Variants in PDE1A observed in about 807,000 individuals in gnomAD.
The protein encoded by PDE1A is dual specificity calcium/calmodulin-dependent 3',5'-cyclic nucleotide phosphodiesterase 1A.
A neutral mutation model predicts 61.7 loss-of-function variants in PDE1A; 35 were observed. The observed-to-expected ratio is 0.57, with a 90% CI of 0.43 to 0.75. PDE1A has a LOEUF of 0.75. Ranked by LOEUF, PDE1A falls within the 30% of genes least tolerant of loss-of-function variation. The pLI is 0.00. For missense variants in PDE1A, 597 were observed against 630.6 expected, an observed-to-expected ratio of 0.95 and a Z score of 0.57; for synonymous variants, 232 against 213.2, an observed-to-expected ratio of 1.09 and a Z score of -0.77.
At chr2:182,599,103 A>C in the PDE1A span, among the ~76,000 whole-genome samples, 1 of 152,118 alleles carries the variant, frequency 6.6e-6, no homozygotes, top group Non-Finnish European at 1.5e-5. Context: ...CAACTACCCA[A>C]ACCATGGCTG....
At chr2:182,386,613 C>T (rs376990193) in intron 1 of PDE1A, among the ~76,000 whole-genome samples, 9 of 150,316 alleles carry the variant, frequency 6.0e-5, no homozygotes, top group East Asian at 2.0e-4. Flanking sequence ...GCCCAGCAGC[C>T]GCCCCATCTG....
chr2:182,478,027 G>A (rs965046372), intron 2 of PDE1A, among the ~76,000 whole-genome samples: 15 of 151,888 alleles, frequency 9.9e-5, no homozygotes, highest in African/African-American at 3.6e-4. Context: ...TGTCAACATG[G>A]AGTAGAGCTG....
chr2:182,358,528 G>T (rs1699324479), intron 1 of PDE1A, among the ~76,000 whole-genome samples: 1 of 151,802 alleles, frequency 6.6e-6, no homozygotes, highest in African/African-American at 2.4e-5. Context: ...TTCTCCATTG[G>T]TATCATCTCT....
At chr2:182,571,786 C>A in the PDE1A span, among the ~76,000 whole-genome samples, 692 of 152,176 alleles carry the variant, frequency 4.5e-3, 4 homozygotes, top group African/African-American at 0.015. Flanking sequence ...GGTGTAGTAG[C>A]AACTTTTCAA....
At chr2:182,270,239 T>C (rs1480126304) in intron 1 of PDE1A, among the ~76,000 whole-genome samples, 1 of 152,180 alleles carries the variant, frequency 6.6e-6, no homozygotes, top group Non-Finnish European at 1.5e-5. Context: ...AATCAAGCAA[T>C]TGCAGAAGAC....
At chr2:182,540,692 T>C in the PDE1A span, among the ~76,000 whole-genome samples, 1 of 152,272 alleles carries the variant, frequency 6.6e-6, no homozygotes, top group East Asian at 1.9e-4. Flanking sequence ...ACTTACACAG[T>C]TTTACCTTTC....
At chr2:182,522,885 T>C (rs2303890), upstream of PDE1A, 52,146 of 154,490 alleles carry the variant, frequency 0.34, 9,361 homozygotes, top group South Asian at 0.41. Flanking sequence ...AGCACCACCA[T>C]GAGAAAAAAA....
At chr2:182,201,457 C>A in exon 10 of PDE1A, 1 of 1,613,892 alleles carries the variant, frequency 6.2e-7, no homozygotes, top group Non-Finnish European at 8.5e-7. Context: ...AAAACTCCTC[C>A]ATTAGGGCCA....
At chr2:182,201,780 C>T in exon 9 of PDE1A, 1 of 1,602,282 alleles carries the variant, frequency 6.2e-7, no homozygotes, top group Non-Finnish European at 8.5e-7. Context: ...TCACTAGGTT[C>T]CGAAGATCCC....
At chr2:182,313,387 C>T (rs1040833387) in intron 1 of PDE1A, among the ~76,000 whole-genome samples, 5 of 152,096 alleles carry the variant, frequency 3.3e-5, no homozygotes, top group African/African-American at 7.2e-5. Flanking sequence ...GCACTCCAGT[C>T]TAGGTGACAG....
chr2:182,142,055 T>A (rs1476899893), downstream of PDE1A: 2 of 152,000 alleles, frequency 1.3e-5, no homozygotes, highest in Non-Finnish European at 2.9e-5. Flanking sequence ...TAGTAAAATA[T>A]AAAAGTCACA....
At chr2:182,684,716 A>AT in the PDE1A span, among the ~76,000 whole-genome samples, 1 of 152,142 alleles carries the variant, frequency 6.6e-6, no homozygotes, top group African/African-American at 2.4e-5. Context: ...ACACCCAGCT[A>AT]TTTTTTGTAT....
intron 1 of PDE1A, among the ~76,000 whole-genome samples, chr2:182,297,905 G>T (rs1410944659): frequency 1.3e-5 from 2 of 152,176 alleles, no homozygotes; most frequent in African/African-American, 4.8e-5. Flanking sequence ...ACTTGCTAAA[G>T]AACACATTAT....
In PDE1A at chr2:182,272,915, A is replaced by G. The variant is rs527798048; in HGVS notation, c.54-8501T>C. Reference sequence around the variant, plus strand: ...TGAATAATATATACAAAGTCATATTACTATAAACACTAGTAATTTTAAAAC... The same window carrying G: ...TGAATAATATATACAAAGTCATATTGCTATAAACACTAGTAATTTTAAAAC... On this transcript the variant is annotated intron_variant, in intron 1 of 13. Coordinates refer to ENST00000351439, the Ensembl canonical transcript of PDE1A. 3.3e-5 allele frequency among the ~76,000 whole-genome samples: 5 copies of G among 152,292 alleles called. No individual in the cohort carries two copies. The South Asian group carries it at 1.0e-3, about 32-fold the overall frequency.
At chr2:182,561,821 G>C in the PDE1A span, among the ~76,000 whole-genome samples, 1 of 152,084 alleles carries the variant, frequency 6.6e-6, no homozygotes, top group African/African-American at 2.4e-5. Context: ...TGAAGCAATT[G>C]TGAATGGGAG....
At chr2:182,450,556 T>TA (rs36059127) in intron 2 of PDE1A, among the ~76,000 whole-genome samples, 95,395 of 148,290 alleles carry the variant, frequency 0.64, 30,550 homozygotes, top group East Asian at 0.87. Flanking sequence ...AATGTTTTCA[T>TA]AAAAAAAAAA....
chr2:182,186,512 T>C, exon 12 of PDE1A: 2 of 1,613,298 alleles, frequency 1.2e-6, no homozygotes, highest in Non-Finnish European at 1.7e-6. Context: ...AGGCTTCCTC[T>C]ATAAGAGGAA....
chr2:182,468,791 T>C (rs1686836028), intron 2 of PDE1A, among the ~76,000 whole-genome samples: 1 of 152,054 alleles, frequency 6.6e-6, no homozygotes, highest in Admixed American at 6.6e-5. Context: ...CCTTGGTCCA[T>C]GGCTTCAGAA....
At chr2:182,502,352 GTCTGTGTA>G (rs1231954251) in intron 2 of PDE1A, among the ~76,000 whole-genome samples, 1 of 151,996 alleles carries the variant, frequency 6.6e-6, no homozygotes, top group East Asian at 1.9e-4. Flanking sequence ...GTGTCTGTGT[GTCTGTGTA>G]TCTGTATCTG....
Sources: gnomAD v4.1 joint callset for allele counts (sites outside exome capture counted in the v4.1 genomes callset) on GRCh38, gnomAD v4.1.1 for gene constraint, MANE v1.5 for transcripts, NCBI Gene and HGNC (gene_info 2026-07-23, HGNC 2026-07-21) for gene names.